The following LRRC34 variants were observed in gnomAD, a reference collection of about 807,000 sequenced individuals.
LRRC34 encodes leucine-rich repeat-containing protein 34.
Under a neutral mutation model 48.5 loss-of-function variants are expected in LRRC34, and 44 were observed. That is an observed-to-expected ratio of 0.91 (90% CI 0.71 to 1.17). The LOEUF (loss-of-function observed/expected upper bound fraction) is 1.17. LRRC34 is among the 50% of genes most tolerant of loss of function. The pLI is 0.00. For missense variants in LRRC34, 502 were observed against 563.0 expected (o/e 0.89, Z 1.10); for synonymous variants, 192 against 197.6 (o/e 0.97, Z 0.24).
chr3:169,796,495 C>T, intron 8 of LRRC34, 126 bp from the exon 9 acceptor site: 1 of 1,141,200 alleles, frequency 8.8e-7, no homozygotes, highest in Non-Finnish European at 1.2e-6. Flanking sequence ...CACTTGATTT[C>T]CAAGAAAGTT....
At chr3:169,803,353 T>C (rs1345458522) in intron 6 of LRRC34, among the ~76,000 whole-genome samples, 1 of 152,340 alleles carries the variant, frequency 6.6e-6, no homozygotes, top group East Asian at 1.9e-4. Flanking sequence ...TAGCTGGGAC[T>C]ACAGGTGCAT....
chr3:169,796,354 A>G lies in LRRC34; in HGVS notation c.924T>C (p.His308=). 1 of 1,603,242 alleles carries G rather than the reference A, an allele frequency of 6.2e-7. No homozygotes were observed. The highest frequency in any genetic ancestry group is 1.1e-5 in the South Asian group (1 of 87,772). ...YLDVSCNKIT[H]DGMVYLADVL... ...CATCAGCCAAATACACCATTCCATC[A>G]TGAGTTATTTTGTTGCTGGCAAAGG... Residue 308 remains histidine, a synonymous_variant, in exon 9 of 11, where the codon CAT becomes CAC. Transcript: ENST00000446859.
At chr3:169,802,963 G>A (rs1355022625) in intron 6 of LRRC34, among the ~76,000 whole-genome samples, 3 of 151,548 alleles carry the variant, frequency 2.0e-5, no homozygotes, top group African/African-American at 7.3e-5. Flanking sequence ...GGTGACAAGA[G>A]TGAGACTCTG....
intron 6 of LRRC34, among the ~76,000 whole-genome samples, chr3:169,803,764 A>G (rs1453405349): frequency 6.6e-6 from 1 of 152,256 alleles, no homozygotes; most frequent in Non-Finnish European, 1.5e-5. Context: ...TTATATGAAT[A>G]AAGTAATATT....
intron 10 of LRRC34, 89 bp from the exon 11 acceptor site, chr3:169,793,927 G>C: frequency 6.3e-6 from 5 of 788,888 alleles, no homozygotes; most frequent in Non-Finnish European, 9.7e-6. Flanking sequence ...CAAATTAGCT[G>C]TGCTAATTTG....
At chr3:169,802,849 C>G (rs564097820) in intron 6 of LRRC34, among the ~76,000 whole-genome samples, 1 of 152,040 alleles carries the variant, frequency 6.6e-6, no homozygotes, top group African/African-American at 2.4e-5. Context: ...TGGTGGCAGG[C>G]ACCTGTAATC....
At chr3:169,806,671 T>C (rs1486128697) in intron 5 of LRRC34, among the ~76,000 whole-genome samples, 177 bp downstream of exon 5, 1 of 152,212 alleles carries the variant, frequency 6.6e-6, no homozygotes, top group Non-Finnish European at 1.5e-5. Flanking sequence ...TTAGTAAAAC[T>C]ATGACTTCAA....
intron 6 of LRRC34, among the ~76,000 whole-genome samples, chr3:169,802,625 A>G (rs111540145): frequency 4.6e-5 from 7 of 152,208 alleles, no homozygotes; most frequent in African/African-American, 1.4e-4. Flanking sequence ...TGGAGATGAT[A>G]AGTACCGAAT....
At chr3:169,797,511 A>G (rs1393061800) in intron 7 of LRRC34, among the ~76,000 whole-genome samples, 2 of 152,194 alleles carry the variant, frequency 1.3e-5, no homozygotes, top group African/African-American at 4.8e-5. Flanking sequence ...TAAAAGATAC[A>G]TGGCATCAAT....
intron 2 of LRRC34, 92 bp from the exon 3 acceptor site, chr3:169,807,801 A>T: frequency 7.5e-7 from 1 of 1,332,124 alleles, no homozygotes; most frequent in Non-Finnish European, 1.0e-6. Context: ...ATGTATAAAT[A>T]GTCATATCAC....
intron 1 of LRRC34, 37 bp from the exon 2 acceptor site, chr3:169,808,782 A>G: frequency 8.7e-7 from 1 of 1,153,366 alleles, no homozygotes; most frequent in Non-Finnish European, 1.3e-6. Context: ...CATATAAATT[A>G]TTCTAGAAGC....
At chr3:169,802,818 C>CA (rs201157832) in intron 6 of LRRC34, among the ~76,000 whole-genome samples, 4,351 of 150,858 alleles carry the variant, frequency 0.029, 112 homozygotes, top group Admixed American at 0.063. Flanking sequence ...ACTAAAAATA[C>CA]AAAAAAAAAT....
intron 10 of LRRC34, chr3:169,794,963 T>G (rs919948926): frequency 1.3e-5 from 2 of 152,210 alleles, no homozygotes; most frequent in Non-Finnish European, 2.9e-5. Context: ...TAGACAACAC[T>G]CTATGTTTTA....
At chr3:169,806,139 T>C (rs1470158125) in intron 5 of LRRC34, among the ~76,000 whole-genome samples, 1 of 152,182 alleles carries the variant, frequency 6.6e-6, no homozygotes, top group Non-Finnish European at 1.5e-5. Context: ...TAATGATGGT[T>C]AGCTGATTTT....
intron 5 of LRRC34, among the ~76,000 whole-genome samples, chr3:169,805,412 A>G (rs373774059): frequency 1.2e-4 from 19 of 152,374 alleles, no homozygotes; most frequent in African/African-American, 4.6e-4. Flanking sequence ...AGCATAAAAA[A>G]AAGTTAGGAA....
At position 169,812,623 on chromosome 3, in the gene LRRC34, G is replaced by A. The variant is rs944623687; in HGVS notation, c.-75C>T. 7 of 1,406,224 alleles carry A rather than the reference G, an allele frequency of 5.0e-6. No homozygotes were observed. The Admixed American group carries it at 1.9e-4, about 37-fold the overall frequency. 87.1% of individuals were successfully genotyped at this position (1,406,224 alleles called of 1,614,324 possible). On this transcript the variant is annotated 5_prime_UTR_variant, in exon 1 of 11. Transcript: ENST00000446859. The surrounding 1 kb of genome is among the most constrained non-coding windows in gnomAD (Gnocchi z 4.3). ...ACGAGCCTCGGCGCCAGCCTGCTTC[G>A]AGTCCCGCTGGCTGTGCCTGCCCGG...
Position 169,812,472 on chromosome 3 carries a change from CT to C in LRRC34, c.76del (p.Arg26GlyfsTer62). On this transcript the variant is annotated frameshift_variant, in exon 1 of 11. Coordinates refer to ENST00000446859, the MANE Select transcript of LRRC34 (RefSeq NM_001172779.2). LOFTEE classifies it high-confidence loss of function. This position sits in a 1 kb window ranked among gnomAD's most constrained non-coding sequence, Gnocchi z 4.3. Reference sequence around the variant, plus strand: ...CTGAGTGGAGGCCCAAGCCGGGGACCTGGCCGGCGCACGGGCGGCCTCCCGG... The same window carrying C: ...CTGAGTGGAGGCCCAAGCCGGGGACCGGCCGGCGCACGGGCGGCCTCCCGG... ...SSREAARAPA[R>X]SPAWASTQAS... The C allele has an allele frequency of 6.5e-7, 1 of 1,529,716 alleles. No homozygotes were observed. Among genetic ancestry groups the C allele is most frequent in the African/African-American group, 1.4e-5 (1 of 71,522 alleles). The allele number at this position is 1,529,716 out of a possible 1,614,324, so 94.8% of individuals were successfully genotyped here. A position where few individuals can be genotyped will look rare whatever the true frequency, so the allele number is the denominator to read the frequency against.
intron 4 of LRRC34, among the ~76,000 whole-genome samples, chr3:169,807,182 A>G (rs533681596): frequency 2.6e-4 from 39 of 152,322 alleles, no homozygotes; most frequent in Admixed American, 1.6e-3. Context: ...CCTTTGATCA[A>G]TCTGAAAGAT....
At chr3:169,809,861 T>C (rs1779501460) in intron 1 of LRRC34, among the ~76,000 whole-genome samples, 1 of 152,320 alleles carries the variant, frequency 6.6e-6, no homozygotes, top group Non-Finnish European at 1.5e-5. Context: ...TGAGGAACAT[T>C]ACATTTCAGA....
Sources: allele counts gnomAD v4.1 joint callset (sites outside exome capture counted in the v4.1 genomes callset), GRCh38; gene constraint gnomAD v4.1.1; non-coding constraint Gnocchi (gnomAD v3.1); transcripts MANE v1.5; gene names NCBI Gene and HGNC (gene_info 2026-07-23, HGNC 2026-07-21).